Variants in RYR2 observed in about 807,000 individuals in gnomAD.
RYR2 encodes the protein cardiac muscle ryanodine receptor-calcium release channel.
In RYR2, 227 loss-of-function variants were observed where a neutral mutation model predicts 601.1. That is an observed-to-expected ratio of 0.38 (90% CI 0.34 to 0.42). The LOEUF is 0.42. Ranked by LOEUF, RYR2 falls within the 10% of genes least tolerant of loss-of-function variation. The pLI is 1.00. For synonymous variants in RYR2, 2,223 were observed against 2,175.1 expected (o/e 1.02, Z -0.61); for missense variants, 4,646 against 6,156.5 (o/e 0.75, Z 8.21).
chr1:237,150,048 T>C (rs1277167893), intron 1 of RYR2, among the ~76,000 whole-genome samples: 2 of 152,266 alleles, frequency 1.3e-5, no homozygotes, highest in Non-Finnish European at 2.9e-5. Flanking sequence ...AGAACTTATA[T>C]ATGCCAGGCA....
intron 12 of RYR2, among the ~76,000 whole-genome samples, chr1:237,427,937 G>A (rs1706362315): frequency 6.6e-6 from 1 of 151,974 alleles, no homozygotes; most frequent in Admixed American, 6.6e-5. Flanking sequence ...TAAAAAGTGG[G>A]CAAGGAATAT....
chr1:237,372,446 C>T (rs1386178737), intron 6 of RYR2, among the ~76,000 whole-genome samples: 1 of 152,104 alleles, frequency 6.6e-6, no homozygotes, highest in Non-Finnish European at 1.5e-5. Flanking sequence ...ATCAAATTAA[C>T]TAAAATAAGA....
chr1:237,429,482 C>T (rs1304858807), intron 12 of RYR2, among the ~76,000 whole-genome samples: 1 of 152,140 alleles, frequency 6.6e-6, no homozygotes, highest in Non-Finnish European at 1.5e-5. Context: ...AGATGCTTGT[C>T]CTGTCAGGGC....
In RYR2 at chr1:237,623,799, G is replaced by T. The variant is rs1679355404; in HGVS notation, c.5951G>T (p.Ser1984Ile). The T allele has an allele frequency of 6.2e-7, 1 of 1,612,924 alleles. No homozygotes were observed. The highest frequency in any genetic ancestry group is 8.5e-7 in the Non-Finnish European group (1 of 1,179,056). ...NMLLNFKDDKSECPCPEEIRD... is the reference protein window; with the variant it reads ...NMLLNFKDDKIECPCPEEIRD... The stretch of plus-strand genomic sequence containing the variant: ...CTTCTCAATTTTAAGGATGACAAAA[G>T]TGAATGTCCATGTCCAGAAGAAATT... Residue 1984 changes from serine to isoleucine, a missense_variant, in exon 39 of 105, where the codon AGT becomes ATT. Coordinates refer to ENST00000366574, the MANE Select transcript of RYR2 (RefSeq NM_001035.3).
At chr1:237,154,526 G>A (rs960772918) in intron 1 of RYR2, among the ~76,000 whole-genome samples, 1 of 152,146 alleles carries the variant, frequency 6.6e-6, no homozygotes, top group African/African-American at 2.4e-5. Context: ...AAACAATGTA[G>A]ATTTTCAGGC....
intron 38 of RYR2, among the ~76,000 whole-genome samples, chr1:237,621,893 A>G (rs1384511491): frequency 6.6e-6 from 1 of 152,156 alleles, no homozygotes; most frequent in Non-Finnish European, 1.5e-5. Context: ...GGGCAGACAG[A>G]GGGATGTGGG....
At chr1:237,262,768 G>T (rs1373704834) in intron 1 of RYR2, among the ~76,000 whole-genome samples, 5 of 152,136 alleles carry the variant, frequency 3.3e-5, no homozygotes, top group Non-Finnish European at 7.3e-5. Flanking sequence ...TGAGCTTTCT[G>T]AGTTGATGCT....
At chr1:237,100,915 G>A (rs567955242) in intron 1 of RYR2, among the ~76,000 whole-genome samples, 74 of 152,112 alleles carry the variant, frequency 4.9e-4, no homozygotes, top group Non-Finnish European at 9.6e-4. Flanking sequence ...CGGCCCCAGA[G>A]CCTGTCCAGT....
chr1:237,465,087 C>T (rs1310221109), intron 16 of RYR2, among the ~76,000 whole-genome samples: 1 of 89,292 alleles, frequency 1.1e-5, no homozygotes, highest in East Asian at 5.9e-4. Flanking sequence ...CATACACACA[C>T]ATGCACACAC....
intron 80 of RYR2, among the ~76,000 whole-genome samples, chr1:237,752,493 C>T (rs1004622111): frequency 1.3e-5 from 2 of 151,490 alleles, no homozygotes; most frequent in African/African-American, 4.8e-5. Context: ...TTAGGAACCA[C>T]TCGTTTTAAA....
chr1:237,825,288 A>T (rs1175888079), intron 101 of RYR2, among the ~76,000 whole-genome samples: 1 of 152,208 alleles, frequency 6.6e-6, no homozygotes, highest in Non-Finnish European at 1.5e-5. Context: ...CAGTAACAAA[A>T]AGAGTATGGT....
chr1:237,236,392 T>C (rs1243549659), intron 1 of RYR2, among the ~76,000 whole-genome samples: 2 of 152,142 alleles, frequency 1.3e-5, no homozygotes, highest in African/African-American at 4.8e-5. Context: ...AAAATGCAGA[T>C]GGGGATAAAA....
At chr1:237,659,517 G>GATGCATACTCTAGTTTTCCTATTTAAA (rs1683571514) in intron 54 of RYR2, among the ~76,000 whole-genome samples, 2 of 152,320 alleles carry the variant, frequency 1.3e-5, no homozygotes, top group South Asian at 4.1e-4. Context: ...AAGACGCTGA[G>GATGCATACTCTAGTTTTCCTATTTAAA]ATGCATACTC....
At chr1:237,582,419 TA>T (rs746043055) in intron 29 of RYR2, among the ~76,000 whole-genome samples, 7,882 of 140,336 alleles carry the variant, frequency 0.056, 272 homozygotes, top group African/African-American at 0.11. Flanking sequence ...TAGCATTCTT[TA>T]AAAAAAAAAA....
chr1:237,328,839 TAA>T (rs1696419608), intron 2 of RYR2, among the ~76,000 whole-genome samples: 1 of 152,198 alleles, frequency 6.6e-6, no homozygotes, highest in African/African-American at 2.4e-5. Flanking sequence ...GTGTAAATTG[TAA>T]TGTGGATGCA....
intron 2 of RYR2, among the ~76,000 whole-genome samples, chr1:237,328,327 T>C (rs1319893318): frequency 6.6e-6 from 1 of 152,200 alleles, no homozygotes; most frequent in East Asian, 1.9e-4. Flanking sequence ...ATAATTAGTA[T>C]GGTTAGAACT....
intron 3 of RYR2, among the ~76,000 whole-genome samples, chr1:237,352,161 C>A (rs1419982198): frequency 6.6e-6 from 1 of 151,830 alleles, no homozygotes; most frequent in African/African-American, 2.4e-5. Flanking sequence ...CTATCAAATG[C>A]AAAACTGGTG....
intron 10 of RYR2, among the ~76,000 whole-genome samples, chr1:237,401,789 C>T (rs556411915): frequency 4.6e-5 from 7 of 152,242 alleles, no homozygotes; most frequent in African/African-American, 7.2e-5. Context: ...CCCCTTTAAT[C>T]GTGTGGTTTA....
chr1:237,419,452 T>C (rs1705341499), intron 11 of RYR2, among the ~76,000 whole-genome samples: 1 of 152,184 alleles, frequency 6.6e-6, no homozygotes, highest in Non-Finnish European at 1.5e-5. Flanking sequence ...CTGTTGCTTA[T>C]GTTTGTATTT....
Sources: gnomAD v4.1 joint callset for allele counts (sites outside exome capture counted in the v4.1 genomes callset) on GRCh38, gnomAD v4.1.1 for gene constraint, MANE v1.5 for transcripts, NCBI Gene and HGNC (gene_info 2026-07-23, HGNC 2026-07-21) for gene names.